Variants in NRIP1 observed in about 807,000 individuals in gnomAD.
NRIP1 encodes nuclear receptor interacting protein 1.
Under a neutral mutation model 75.0 loss-of-function variants are expected in NRIP1, and 28 were observed. The ratio of observed to expected loss-of-function variants is 0.37; its 90% CI spans 0.28 to 0.51. The LOEUF (loss-of-function observed/expected upper bound fraction) is 0.51, where lower values mean the gene tolerates loss of function less well. NRIP1 is among the 20% of genes least tolerant of loss of function. The probability of loss-of-function intolerance (pLI) is 0.92; values close to 1 mark genes in which losing one functional copy is unlikely to be tolerated. For synonymous variants in NRIP1, 526 were observed against 487.6 expected (o/e 1.08, Z -1.04); for missense variants, 1,435 against 1,343.7 (o/e 1.07, Z -1.06).
chr21:15,049,488 A>G (rs916708104), intron 1 of NRIP1, among the ~76,000 whole-genome samples: 18 of 152,112 alleles, frequency 1.2e-4, no homozygotes, highest in African/African-American at 4.3e-4. Context: ...GTAAAATGCA[A>G]TTGTAACACA....
At chr21:14,989,955 A>G (rs1274438542) in intron 3 of NRIP1, among the ~76,000 whole-genome samples, 1 of 152,210 alleles carries the variant, frequency 6.6e-6, no homozygotes, top group East Asian at 1.9e-4. Context: ...ATCATGAAAA[A>G]AAAAGAAACA....
chr21:14,967,910 C>T lies in NRIP1; in HGVS notation c.283G>A (p.Ala95Thr). The change falls in exon 4 of 4, where the codon GCA (alanine) becomes ACA (threonine). Residue 95 changes from alanine (A) to threonine (T), a missense_variant. Physicochemically the swap from Ala to Thr is moderately conservative, Grantham distance 58 (BLOSUM62 0). Transcript: ENST00000318948. Reference sequence around the variant, plus strand: ...TCAGACAGCCTCTTCCGCTTTGCTGCATTCCAGTCCTCAGAAGACTGCAAC... The same window carrying T: ...TCAGACAGCCTCTTCCGCTTTGCTGTATTCCAGTCCTCAGAAGACTGCAAC... The part of the protein sequence containing the change: ...RLLQSSEDWN[A>T]AKRKRLSDSI... 6.2e-7 allele frequency: 1 copy of T among 1,614,166 alleles called. No homozygotes were observed.
intron 3 of NRIP1, among the ~76,000 whole-genome samples, chr21:14,971,849 G>C (rs940111626): frequency 1.3e-5 from 2 of 152,240 alleles, no homozygotes; most frequent in African/African-American, 4.8e-5. Flanking sequence ...AAGTGGACCA[G>C]TAACACATTT....
At chr21:15,056,151 G>A (rs1407297756) in intron 1 of NRIP1, among the ~76,000 whole-genome samples, 2 of 152,030 alleles carry the variant, frequency 1.3e-5, no homozygotes, top group Non-Finnish European at 2.9e-5. Flanking sequence ...AATGGGGGGA[G>A]GACAAGGTGC....
intron 1 of NRIP1, among the ~76,000 whole-genome samples, chr21:15,047,483 T>A (rs2147347449): frequency 6.6e-6 from 1 of 152,216 alleles, no homozygotes; most frequent in African/African-American, 2.4e-5. Flanking sequence ...GAGCTTGCAG[T>A]GAGCTGAGAC....
At chr21:15,041,332 G>A (rs770864548) in intron 2 of NRIP1, among the ~76,000 whole-genome samples, 1 of 152,108 alleles carries the variant, frequency 6.6e-6, no homozygotes, top group Non-Finnish European at 1.5e-5. Context: ...GTTAGGTAGA[G>A]GCAGGATCGA....
At chr21:14,983,205 GC>G (rs2087294210) in intron 3 of NRIP1, among the ~76,000 whole-genome samples, 2 of 147,782 alleles carry the variant, frequency 1.4e-5, no homozygotes, top group South Asian at 4.3e-4. Context: ...TAACCAAATT[GC>G]AAATACAAAA....
At chr21:15,046,989 T>C (rs1211469522) in intron 1 of NRIP1, among the ~76,000 whole-genome samples, 1 of 152,240 alleles carries the variant, frequency 6.6e-6, no homozygotes, top group Non-Finnish European at 1.5e-5. Flanking sequence ...GCTGCTTTGA[T>C]TTTCTAGGCA....
At chr21:14,990,419 G>C (rs888738184) in intron 3 of NRIP1, among the ~76,000 whole-genome samples, 4 of 152,160 alleles carry the variant, frequency 2.6e-5, no homozygotes, top group African/African-American at 9.7e-5. Context: ...GCCCAAGTTT[G>C]GGTCAGACTA....
Position 15,025,302 on chromosome 21 carries a change from G to A in NRIP1, c.-457-10836C>T, listed in dbSNP as rs143796577. On this transcript the variant is annotated intron_variant, in intron 2 of 3. Coordinates refer to ENST00000318948, the MANE Select transcript of NRIP1 (RefSeq NM_003489.4). ...CTCACTATAAGAGGAGGTACAAAAA[G>A]GGAAGGAAATATAATTGAAGCCTAT... is the stretch of plus-strand genomic sequence containing the variant. Among the ~76,000 whole-genome samples the A allele has an allele frequency of 1.5e-3, 228 of 152,142 alleles. 1 individual carries two copies. Among genetic ancestry groups the A allele is most frequent in the African/African-American group, 5.3e-3 (220 of 41,498 alleles).
chr21:15,030,747 G>A (rs960346861), intron 2 of NRIP1, among the ~76,000 whole-genome samples: 1 of 152,230 alleles, frequency 6.6e-6, no homozygotes, highest in Admixed American at 6.5e-5. Flanking sequence ...GAGGGAAGAA[G>A]GGAGGTCCCA....
chr21:15,040,127 G>T (rs1568723801), intron 2 of NRIP1, among the ~76,000 whole-genome samples: 1 of 152,060 alleles, frequency 6.6e-6, no homozygotes, highest in Non-Finnish European at 1.5e-5. Context: ...CTGTGCACTT[G>T]AAAGATGACT....
intron 3 of NRIP1, among the ~76,000 whole-genome samples, chr21:14,970,418 C>T (rs565205437): frequency 2.0e-5 from 3 of 152,154 alleles, no homozygotes; most frequent in Non-Finnish European, 4.4e-5. Flanking sequence ...TGGTGGCATG[C>T]GCCTGTAGTC....
At chr21:14,976,435 C>A (rs2087070117) in intron 3 of NRIP1, among the ~76,000 whole-genome samples, 1 of 151,950 alleles carries the variant, frequency 6.6e-6, no homozygotes, top group Non-Finnish European at 1.5e-5. Flanking sequence ...TTAAAAAGAG[C>A]TACATTTACT....
In NRIP1 at chr21:15,051,111, C is replaced by T. The variant is rs375852635; in HGVS notation, c.-537-7537G>A. 40 of 357,056 alleles carry T rather than the reference C, an allele frequency of 1.1e-4. 1 individual carries two copies. The East Asian group carries it at 2.4e-3, about 22-fold the overall frequency. The allele number at this position is 357,056 out of a possible 1,614,324, so 22.1% of individuals were successfully genotyped here. On this transcript the variant is annotated intron_variant, in intron 1 of 3. Transcript: ENST00000318948. ...GCCCGGTCTCTCTTCTAGCTCCTGC[C>T]CCTTTGGCCCCTAGACCAACACTGG...
At chr21:15,048,505 T>TA (rs1297264289) in intron 1 of NRIP1, among the ~76,000 whole-genome samples, 2 of 152,114 alleles carry the variant, frequency 1.3e-5, no homozygotes, top group Non-Finnish European at 2.9e-5. Context: ...CTCCTCAAAA[T>TA]AGAGTTTATA....
At chr21:14,997,082 C>A (rs1324289360) in intron 3 of NRIP1, among the ~76,000 whole-genome samples, 2 of 152,050 alleles carry the variant, frequency 1.3e-5, no homozygotes, top group African/African-American at 2.4e-5. Context: ...GCTCTTCATT[C>A]GGCATTCAGA....
chr21:15,061,836 T>C (rs546255220), intron 1 of NRIP1, among the ~76,000 whole-genome samples: 9 of 152,352 alleles, frequency 5.9e-5, no homozygotes, highest in South Asian at 4.1e-4. Flanking sequence ...TCTTCTAGCA[T>C]TGGTCTGCAA....
intron 3 of NRIP1, among the ~76,000 whole-genome samples, chr21:15,000,623 A>C (rs540727669): frequency 6.6e-6 from 1 of 152,350 alleles, no homozygotes; most frequent in South Asian, 2.1e-4. Context: ...TTTGTAAAGT[A>C]ATTACAAAAT....
Sources: gnomAD v4.1 joint callset for allele counts (sites outside exome capture counted in the v4.1 genomes callset) on GRCh38, gnomAD v4.1.1 for gene constraint, MANE v1.5 for transcripts, NCBI Gene and HGNC (gene_info 2026-07-23, HGNC 2026-07-21) for gene names.